Variants in PCSK1 observed in about 807,000 individuals in gnomAD.
The protein encoded by PCSK1 is neuroendocrine convertase 1.
PCSK1 carries 56 observed loss-of-function variants against 90.6 expected under a neutral mutation model. That is an observed-to-expected ratio of 0.62 (90% CI 0.50 to 0.77). The LOEUF (loss-of-function observed/expected upper bound fraction) is 0.77. Ranked by LOEUF, PCSK1 falls within the 30% of genes least tolerant of loss-of-function variation. The probability of loss-of-function intolerance (pLI) is 0.00; values close to 1 mark genes in which losing one functional copy is unlikely to be tolerated. For synonymous variants in PCSK1, 348 were observed against 342.4 expected (o/e 1.02, Z -0.18); for missense variants, 801 against 932.6 (o/e 0.86, Z 1.84).
chr5:96,408,485 T>A (rs1760646848), intron 8 of PCSK1, among the ~76,000 whole-genome samples, 162 bp from the exon 9 acceptor site: 1 of 152,230 alleles, frequency 6.6e-6, no homozygotes, highest in African/African-American at 2.4e-5. Context: ...ATGTTTGCCA[T>A]CTGCTGATAT....
At position 96,397,429 on chromosome 5, in the gene PCSK1, T is replaced by C; in HGVS notation, c.1629A>G (p.Thr543=). ...CCCAATTCTTAAAGCCATTAGGAGATGTATCCCGTTCTCTTTCAGCCAAGA... is the reference window on the plus strand; with the variant it reads ...CCCAATTCTTAAAGCCATTAGGAGACGTATCCCGTTCTCTTTCAGCCAAGA... ...TVLLAERERD[T]SPNGFKNWDF... is the part of the protein sequence containing the mutation. Residue 543 remains threonine, a synonymous_variant, in exon 12 of 14, where the codon ACA becomes ACG. Coordinates refer to ENST00000311106, the MANE Select transcript of PCSK1 (RefSeq NM_000439.5). 1 of 1,612,770 alleles carries C rather than the reference T, an allele frequency of 6.2e-7. No individual in the cohort carries two copies.
intron 4 of PCSK1, 63 bp from the exon 5 acceptor site, chr5:96,422,019 A>G (rs1258282579): frequency 4.0e-6 from 3 of 748,594 alleles, no homozygotes; most frequent in Admixed American, 2.1e-5. Context: ...AAAAAAAAAA[A>G]GCATCACTTC....
chr5:96,394,305 T>C (rs896272534), intron 13 of PCSK1, among the ~76,000 whole-genome samples: 2 of 152,202 alleles, frequency 1.3e-5, no homozygotes, highest in Non-Finnish European at 2.9e-5. Context: ...AACCCAGGAA[T>C]GTGAACGACT....
At chr5:96,415,739 C>T (rs1198337049) in intron 6 of PCSK1, among the ~76,000 whole-genome samples, 1 of 152,108 alleles carries the variant, frequency 6.6e-6, no homozygotes, top group Admixed American at 6.5e-5. Context: ...CACTCAATAA[C>T]AAACCATTCT....
Position 96,423,452 on chromosome 5 carries a change from G to T in PCSK1, c.404C>A (p.Thr135Asn). The T allele has an allele frequency of 1.2e-5, 19 of 1,613,992 alleles. No homozygotes were observed. The highest frequency in any genetic ancestry group is 1.6e-5 in the Non-Finnish European group (19 of 1,179,876). Reference sequence around the variant, plus strand: ...CTTGGGCAGGGCTGCCGTCATCCTGGTATCTTGCTGGTAAAGAAAAACAAC... The same window carrying T: ...CTTGGGCAGGGCTGCCGTCATCCTGTTATCTTGCTGGTAAAGAAAAACAAC... Reference protein sequence around the residue: ...MWNQQWYLQDTRMTAALPKLD... With the variant: ...MWNQQWYLQDNRMTAALPKLD... Residue 135 changes from threonine (T) to asparagine (N), a missense_variant, in exon 4 of 14, where the codon ACC becomes AAC. Transcript: ENST00000311106.
intron 9 of PCSK1, among the ~76,000 whole-genome samples, chr5:96,403,947 T>C (rs1164588524): frequency 2.0e-5 from 3 of 152,196 alleles, no homozygotes; most frequent in African/African-American, 7.2e-5. Context: ...TTTCCAAAGG[T>C]GTGAAGGGAT....
At chr5:96,398,380 T>C (rs1760237045) in intron 11 of PCSK1, among the ~76,000 whole-genome samples, 1 of 152,230 alleles carries the variant, frequency 6.6e-6, no homozygotes, top group Admixed American at 6.5e-5. Flanking sequence ...TCTGAATTAG[T>C]GCCCTCGCAG....
At chr5:96,410,237 C>T (rs375871099) in intron 8 of PCSK1, among the ~76,000 whole-genome samples, 3 of 152,060 alleles carry the variant, frequency 2.0e-5, no homozygotes, top group Non-Finnish European at 4.4e-5. Flanking sequence ...TCTGAGCATA[C>T]GACCTCCCCG....
Position 96,423,298 on chromosome 5 carries a change from A to G in PCSK1, c.543+15T>C, listed in dbSNP as rs1761182793. On this transcript the variant is annotated intron_variant, in intron 4 of 13. Coordinates refer to ENST00000311106, the MANE Select transcript of PCSK1 (RefSeq NM_000439.5). ...CAGCTCCCTAAGTCACAGTCATGAG[A>G]AGGCACACACTTACATAGTTGGCAT... 6.2e-7 allele frequency: 1 copy of G among 1,601,166 alleles called. No homozygotes were observed. The highest frequency in any genetic ancestry group is 1.3e-5 in the African/African-American group (1 of 74,628).
At chr5:96,394,151 A>G (rs1760051103) in intron 13 of PCSK1, among the ~76,000 whole-genome samples, 1 of 152,190 alleles carries the variant, frequency 6.6e-6, no homozygotes, top group South Asian at 2.1e-4. Context: ...AGCTGGACCT[A>G]TTCAGAGCAG....
Position 96,397,366 on chromosome 5 carries a change from T to C in PCSK1, c.1692A>G (p.Ile564Met), listed in dbSNP as rs1580744780. 1.2e-6 allele frequency: 2 copies of C among 1,612,626 alleles called. No individual in the cohort carries two copies. The highest frequency in any genetic ancestry group is 1.7e-6 in the Non-Finnish European group (2 of 1,178,640). Residue 564 changes from isoleucine to methionine, a missense_variant, in exon 12 of 14, where the codon ATA becomes ATG. Coordinates refer to ENST00000311106, the MANE Select transcript of PCSK1 (RefSeq NM_000439.5). ...MSVHTWGENPIGTWTLRITDM... is the reference protein window; with the variant it reads ...MSVHTWGENPMGTWTLRITDM... ...CTGTAATTCTCAAAGTCCAAGTACC[T>C]ATAGGGTTCTCTCCCCATGTGTGAA...
intron 1 of PCSK1, among the ~76,000 whole-genome samples, chr5:96,429,871 T>C (rs2112451182): frequency 6.6e-6 from 1 of 152,338 alleles, no homozygotes; most frequent in African/African-American, 2.4e-5. Flanking sequence ...CTAGTGATGC[T>C]TCTATTTTAC....
intron 7 of PCSK1, among the ~76,000 whole-genome samples, chr5:96,411,866 A>G (rs914832354): frequency 1.3e-5 from 2 of 152,148 alleles, no homozygotes; most frequent in African/African-American, 4.8e-5. Context: ...CTGGAGTGCA[A>G]TGCTGCAATC....
chr5:96,429,083 A>G (rs1180624131), intron 2 of PCSK1, 130 bp downstream of exon 2: 8 of 624,642 alleles, frequency 1.3e-5, no homozygotes, highest in Non-Finnish European at 2.0e-5. Context: ...ATTAGAAATA[A>G]TACAGATAAA....
intron 5 of PCSK1, among the ~76,000 whole-genome samples, chr5:96,420,757 G>A (rs1334277607): frequency 1.4e-5 from 2 of 147,280 alleles, no homozygotes; most frequent in African/African-American, 2.5e-5. Flanking sequence ...GGGAGGGAGG[G>A]AGGAAGGAAG....
At chr5:96,412,750 A>ATGTTTTTTTTTGTT (rs1760800817) in intron 6 of PCSK1, among the ~76,000 whole-genome samples, 1 of 63,388 alleles carries the variant, frequency 1.6e-5, no homozygotes, top group African/African-American at 7.9e-5. Flanking sequence ...GGCAGCTGTG[A>ATGTTTTTTTTTGTT]TGTTTTTTTT....
chr5:96,405,313 A>C (rs576720744), intron 9 of PCSK1, among the ~76,000 whole-genome samples: 1 of 152,336 alleles, frequency 6.6e-6, no homozygotes, highest in South Asian at 2.1e-4. Flanking sequence ...GGTGAAACCT[A>C]TAAGCCATTC....
intron 13 of PCSK1, 95 bp from the exon 14 acceptor site, chr5:96,393,473 G>T: frequency 1.4e-6 from 2 of 1,394,042 alleles, no homozygotes; most frequent in Non-Finnish European, 2.0e-6. Context: ...GCTGCCTGCC[G>T]CTTGAGAGGC....
rs1759911687 is a variant in PCSK1, at chr5:96,390,754, T to A, written c.*2247A>T. On this transcript the variant is annotated 3_prime_UTR_variant, in exon 14 of 14. Coordinates refer to ENST00000311106, the MANE Select transcript of PCSK1 (RefSeq NM_000439.5). Reference sequence around the variant, plus strand: ...GGGAAATAGTATATAAGTTTTCTCTTTGACATTTTCACAAAAATCCACACA... The same window carrying A: ...GGGAAATAGTATATAAGTTTTCTCTATGACATTTTCACAAAAATCCACACA... The A allele has an allele frequency of 6.6e-6, 1 of 152,670 alleles. No homozygotes were observed. Among genetic ancestry groups the A allele is most frequent in the African/African-American group, 2.4e-5 (1 of 41,464 alleles). 9.5% of individuals were successfully genotyped at this position (152,670 alleles called of 1,614,324 possible). A position where few individuals can be genotyped will look rare whatever the true frequency, so the allele number is the denominator to read the frequency against.
Sources: gnomAD v4.1 joint callset for allele counts (sites outside exome capture counted in the v4.1 genomes callset) on GRCh38, gnomAD v4.1.1 for gene constraint, MANE v1.5 for transcripts, NCBI Gene and HGNC (gene_info 2026-07-23, HGNC 2026-07-21) for gene names.